SEPTIN4: variants seen among roughly 807,000 people sequenced by gnomAD.
SEPTIN4 encodes the protein septin-4.
SEPTIN4 carries 52 observed loss-of-function variants against 107.1 expected under a neutral mutation model. That is an observed-to-expected ratio of 0.49 (90% CI 0.39 to 0.61). The LOEUF is 0.61. SEPTIN4 is among the 20% of genes least tolerant of loss of function. The pLI is 0.00. For synonymous variants in SEPTIN4, 417 were observed against 467.0 expected, an observed-to-expected ratio of 0.89 and a Z score of 1.38; for missense variants, 1,048 against 1,243.5, an observed-to-expected ratio of 0.84 and a Z score of 2.36.
intron 4 of SEPTIN4, 155 bp downstream of exon 4, chr17:58,526,527 A>G: frequency 1.4e-6 from 2 of 1,403,342 alleles, no homozygotes; most frequent in Non-Finnish European, 1.8e-6. Context: ...TCTTGGAGCT[A>G]GGGCTGACAC....
In SEPTIN4 at chr17:58,526,573, A is replaced by ACAAACACACACACACAC. The variant is rs2042911040; in HGVS notation, c.1911+108_1911+109insGTGTGTGTGTGTGTTTG. On this transcript the variant is annotated intron_variant, in intron 4 of 13. Coordinates refer to ENST00000672673, the MANE Select transcript of SEPTIN4 (RefSeq NM_001368771.2). ...TAGGTCCCAGATACACACACACACA[A>ACAAACACACACACACAC]ACACACACACACACACACACACACA... The ACAAACACACACACACAC allele has an allele frequency of 3.1e-6, 4 of 1,303,804 alleles. No homozygotes were observed. The African/African-American group carries it at 7.1e-5, about 23-fold the overall frequency. The allele number at this position is 1,303,804 out of a possible 1,614,324, so 80.8% of individuals were successfully genotyped here. A position where few individuals can be genotyped will look rare whatever the true frequency, so the allele number is the denominator to read the frequency against.
chr17:58,536,410 G>C (rs1449439940), intron 3 of SEPTIN4, among the ~76,000 whole-genome samples: 1 of 152,162 alleles, frequency 6.6e-6, no homozygotes, highest in Non-Finnish European at 1.5e-5. Flanking sequence ...TAGGTGTAGA[G>C]AGATGGGAGG....
At chr17:58,527,441 G>A (rs950752570) in intron 3 of SEPTIN4, 2 of 292,650 alleles carry the variant, frequency 6.8e-6, no homozygotes, top group Non-Finnish European at 1.3e-5. Context: ...GGGACATGAG[G>A]GAAGTAGGCA....
At chr17:58,529,437 G>T in intron 3 of SEPTIN4, 2 of 1,377,810 alleles carry the variant, frequency 1.5e-6, no homozygotes, top group South Asian at 1.5e-5. Context: ...AGGATCACTT[G>T]GTTCCTCTGC....
At position 58,526,240 on chromosome 17, in the gene SEPTIN4, T is replaced by G; in HGVS notation, c.1985A>C (p.Asp662Ala). 3 of 1,603,222 alleles carry G rather than the reference T, an allele frequency of 1.9e-6. No homozygotes were observed. Among genetic ancestry groups the G allele is most frequent in the Non-Finnish European group, 2.6e-6 (3 of 1,174,856 alleles). ...TTTACCTGCCACCATGAGGGTAAAG[T>G]CAAAGCCTTTCTTCACGGACTTTCG... ...VHRKSVKKGF[D>A]FTLMVAGESG... Residue 662 changes from aspartate to alanine, a missense_variant, in exon 5 of 14, where the codon GAC (aspartate) becomes GCC (alanine). Around this residue, in one of 2 missense-constraint regions of SEPTIN4, gnomAD observed 787 missense variants for 871.8 expected, o/e 0.90. Coordinates refer to ENST00000672673, the MANE Select transcript of SEPTIN4 (RefSeq NM_001368771.2).
intron 3 of SEPTIN4, 110 bp from the exon 4 acceptor site, chr17:58,527,088 G>C: frequency 5.1e-6 from 8 of 1,555,676 alleles, no homozygotes; most frequent in African/African-American, 2.7e-5. Context: ...GAAAGGGAAA[G>C]CACTTGTGGT....
At position 58,521,682 on chromosome 17, in the gene SEPTIN4, C is replaced by T. The variant is rs2042285652; in HGVS notation, c.2470-36G>A. 6.2e-7 allele frequency: 1 copy of T among 1,614,100 alleles called. No homozygotes were observed. Among genetic ancestry groups the T allele is most frequent in the Non-Finnish European group, 8.5e-7 (1 of 1,180,042 alleles). On this transcript the variant is annotated intron_variant, in intron 9 of 13. Transcript: ENST00000672673. The surrounding 1 kb of genome is among the most constrained non-coding windows in gnomAD (Gnocchi z 6.4). ...GATGAGGGGCCCACAGTTCTGGGGA[C>T]CACATCCTTTCTAGAAGCCCACCTG... is the stretch of plus-strand genomic sequence containing the variant.
intron 4 of SEPTIN4, 181 bp from the exon 5 acceptor site, chr17:58,526,494 T>C: frequency 1.4e-6 from 2 of 1,389,810 alleles, no homozygotes; most frequent in Non-Finnish European, 1.9e-6. Flanking sequence ...ACTGCAAATT[T>C]CCAGTGCCCT....
intron 3 of SEPTIN4, among the ~76,000 whole-genome samples, chr17:58,533,081 A>C (rs1405689103): frequency 6.6e-6 from 1 of 152,222 alleles, no homozygotes; most frequent in Admixed American, 6.5e-5. Flanking sequence ...TGTTGGTAGA[A>C]GTGCCAGAGG....
chr17:58,542,564 C>T (rs2043909494), intron 1 of SEPTIN4, 62 bp downstream of exon 1: 3 of 1,542,382 alleles, frequency 1.9e-6, no homozygotes, highest in Admixed American at 2.0e-5. Flanking sequence ...CTTTCCTGCC[C>T]ACCCCAACAT....
intron 3 of SEPTIN4, among the ~76,000 whole-genome samples, chr17:58,535,254 A>T (rs996942526): frequency 6.6e-6 from 1 of 152,228 alleles, no homozygotes; most frequent in Non-Finnish European, 1.5e-5. Flanking sequence ...AGGCTGGGGA[A>T]CACTGTGTTT....
intron 6 of SEPTIN4, chr17:58,525,418 C>T (rs1221895133): frequency 7.9e-6 from 5 of 633,110 alleles, no homozygotes; most frequent in African/African-American, 1.8e-5. Flanking sequence ...GCCCCAGCCT[C>T]TTCTCTGCTC....
In SEPTIN4 at chr17:58,542,747, T is replaced by C. The variant is rs747931301; in HGVS notation, c.1440A>G (p.Ala480=). Reference sequence around the variant, plus strand: ...TTGGTGGTGATGGTGGTGATAGGCTTGCCTTCTCTCTCTGGAACTTCAGAT... The same window carrying C: ...TTGGTGGTGATGGTGGTGATAGGCTCGCCTTCTCTCTCTGGAACTTCAGAT... ...CEDLKFQREK[A]SLSPPSPPKE... is the part of the protein sequence containing the mutation. Residue 480 remains alanine, a synonymous_variant, in exon 1 of 14, where the codon GCA becomes GCG. Transcript: ENST00000672673. 6.2e-6 allele frequency: 10 copies of C among 1,614,224 alleles called. No individual in the cohort carries two copies. The highest frequency in any genetic ancestry group is 1.7e-5 in the Admixed American group (1 of 60,030).
Position 58,543,394 on chromosome 17 carries a change from T to C in SEPTIN4, c.793A>G (p.Arg265Gly), listed in dbSNP as rs950332004. 1.4e-5 allele frequency: 22 copies of C among 1,614,118 alleles called. No homozygotes were observed. Among genetic ancestry groups the C allele is most frequent in the Non-Finnish European group, 1.7e-5 (20 of 1,180,044 alleles). Residue 265 changes from arginine (R) to glycine (G), a missense_variant, in exon 1 of 14, where the codon AGG (arginine) becomes GGG (glycine). Physicochemically the swap from Arg to Gly is moderately radical, Grantham distance 125. Coordinates refer to ENST00000672673, the MANE Select transcript of SEPTIN4 (RefSeq NM_001368771.2). ...AGCAATGAGTCCAAGTTCATATTCC[T>C]ATACAAGGCCTTGGGTTTTGAAGGA... ...PIPSKPKALY[R>G]NMNLDSLLKL...
rs376830898 is a variant in SEPTIN4 at position 58,543,362 on chromosome 17, G to A, written c.825C>T (p.Leu275=). 3.7e-6 allele frequency: 6 copies of A among 1,614,182 alleles called. No individual in the cohort carries two copies. In the African/African-American group the frequency reaches 4.0e-5, roughly 11 times the overall value. ...CACCATCAGAATCTTTAAGGACAGA[G>A]AGTTTGAGCAATGAGTCCAAGTTCA... The part of the protein sequence containing the change: ...RNMNLDSLLK[L]SVLKDSDGVH... Residue 275 remains leucine, a synonymous_variant, in exon 1 of 14, where the codon CTC becomes CTT. Transcript: ENST00000672673.
At position 58,526,722 on chromosome 17, in the gene SEPTIN4, C is replaced by G; in HGVS notation, c.1871G>C (p.Arg624Pro). Reference sequence around the variant, plus strand: ...GGGATCAAGCTTGCCCCATGGGCTGCGGGGCCTGGCAGATGGGCTGAGAGG... The same window carrying G: ...GGGATCAAGCTTGCCCCATGGGCTGGGGGGCCTGGCAGATGGGCTGAGAGG... The part of the protein sequence containing the change: ...PAPLSPSARP[R>P]SPWGKLDPYD... The change falls in exon 4 of 14, where the codon CGC becomes CCC. Residue 624 changes from arginine (R) to proline (P), a missense_variant. This residue lies in a region of SEPTIN4 where 787 missense variants were observed against 871.8 expected (regional missense o/e 0.90). Transcript: ENST00000672673. The G allele has an allele frequency of 1.2e-6, 2 of 1,604,870 alleles. No individual in the cohort carries two copies. The highest frequency in any genetic ancestry group is 1.7e-6 in the Non-Finnish European group (2 of 1,176,322).
chr17:58,525,750 G>T lies in SEPTIN4; in HGVS notation c.2037C>A (p.Val679=). 1 of 1,614,154 alleles carries T rather than the reference G, an allele frequency of 6.2e-7. No homozygotes were observed. Among genetic ancestry groups the T allele is most frequent in the South Asian group, 1.1e-5 (1 of 91,072 alleles). The part of the protein sequence containing the change: ...GESGLGKSTL[V]NSLFLTDLYR... The stretch of plus-strand genomic sequence containing the variant: ...ACAGATCAGTGAGGAAGAGGCTATT[G>T]ACAAGTGTGGATTTGCCCAGGCCAG... The change falls in exon 6 of 14, where the codon GTC becomes GTA. Residue 679 remains valine (V), a synonymous_variant. Coordinates refer to ENST00000672673, the MANE Select transcript of SEPTIN4 (RefSeq NM_001368771.2).
intron 3 of SEPTIN4, chr17:58,527,846 A>C: frequency 2.0e-6 from 2 of 985,616 alleles, no homozygotes; most frequent in South Asian, 4.7e-5. Flanking sequence ...CAGAGCCGGC[A>C]GTGCACGAGA....
At chr17:58,530,688 G>A (rs1390443460) in intron 3 of SEPTIN4, 1 of 152,386 alleles carries the variant, frequency 6.6e-6, no homozygotes, top group Non-Finnish European at 1.5e-5. Context: ...TTGGCACTGG[G>A]GACAATCAGT....
Sources: allele counts gnomAD v4.1 joint callset (sites outside exome capture counted in the v4.1 genomes callset), GRCh38; gene constraint gnomAD v4.1.1; regional missense constraint gnomAD v4.1.1; non-coding constraint Gnocchi (gnomAD v3.1); transcripts MANE v1.5; gene names NCBI Gene and HGNC (gene_info 2026-07-23, HGNC 2026-07-21).